The following LHPP variants were observed in gnomAD, a reference collection of about 807,000 sequenced individuals.
The protein encoded by LHPP is hLHPP.
In LHPP, 24 loss-of-function variants were observed where a neutral mutation model predicts 30.3. The ratio of observed to expected loss-of-function variants is 0.79; its 90% CI spans 0.57 to 1.11. LHPP has a LOEUF of 1.11. Among genes scored for constraint, LHPP ranks in the 50% most tolerant of loss-of-function variants. The probability of loss-of-function intolerance (pLI) is 0.00; values close to 1 mark genes in which losing one functional copy is unlikely to be tolerated. For synonymous variants in LHPP, 150 were observed against 157.1 expected (o/e 0.95, Z 0.34); for missense variants, 356 against 367.2 (o/e 0.97, Z 0.25).
Position 124,545,261 on chromosome 10 carries a change from G to A in LHPP, c.716+27990G>A, listed in dbSNP as rs1003902148. On this transcript the variant is annotated intron_variant, in intron 6 of 6. Coordinates refer to ENST00000368842, the MANE Select transcript of LHPP (RefSeq NM_022126.4). Reference sequence around the variant, plus strand: ...CGCTTCTCTAAGCATTCCTTTCCTCGTCTGGAAAGTGGGGGTGTAGTATTG... The same window carrying A: ...CGCTTCTCTAAGCATTCCTTTCCTCATCTGGAAAGTGGGGGTGTAGTATTG... Among the ~76,000 whole-genome samples, 12 of 152,328 alleles carry A rather than the reference G, an allele frequency of 7.9e-5. 1 individual carries two copies. The highest frequency in any genetic ancestry group is 6.8e-3 in the Middle Eastern group (2 of 294).
chr10:124,584,339 G>C (rs950593070), intron 6 of LHPP, among the ~76,000 whole-genome samples: 1 of 150,280 alleles, frequency 6.7e-6, no homozygotes, highest in Admixed American at 6.6e-5. Flanking sequence ...ATTCCAGCCT[G>C]GGCAACAGAG....
intron 1 of LHPP, among the ~76,000 whole-genome samples, chr10:124,476,713 GAA>G (rs1952959134): frequency 6.6e-6 from 1 of 152,118 alleles, no homozygotes; most frequent in Admixed American, 6.5e-5. Flanking sequence ...TTTTTCTATT[GAA>G]AAAACAACTC....
intron 4 of LHPP, among the ~76,000 whole-genome samples, chr10:124,497,255 A>G (rs1447468356): frequency 2.1e-5 from 1 of 47,260 alleles, no homozygotes; most frequent in South Asian, 1.4e-3. Flanking sequence ...CATCCTCCCC[A>G]TCCTCCCCAT....
In LHPP at chr10:124,549,734, TGTGGGCATGGCCGGG is replaced by T. The variant is rs574645657; in HGVS notation, c.716+32479_716+32493del. Among the ~76,000 whole-genome samples, 212 of 152,320 alleles carry T rather than the reference TGTGGGCATGGCCGGG, an allele frequency of 1.4e-3. 4 individuals carry two copies. Among genetic ancestry groups the T allele is most frequent in the African/African-American group, 4.7e-3 (196 of 41,582 alleles). On this transcript the variant is annotated intron_variant, in intron 6 of 6. Coordinates refer to ENST00000368842, the MANE Select transcript of LHPP (RefSeq NM_022126.4). ...GCCAGGCTGGGCCTGCCTCTGGCCC[TGTGGGCATGGCCGGG>T]GTGGGCATGGCCGGGAAAGGCATGG...
In LHPP at chr10:124,596,720, C is replaced by G. The variant is rs942229735; in HGVS notation, c.717-16544C>G. On this transcript the variant is annotated intron_variant, in intron 6 of 6. Transcript: ENST00000368842. The surrounding 1 kb of genome is among the most constrained non-coding windows in gnomAD (Gnocchi z 4.6). ...TGGGTGGACGGGTGGGGAGGCCCGA[C>G]TTTAAGGGACCTGCTTCCTAAGCAA... Among the ~76,000 whole-genome samples the G allele has an allele frequency of 6.6e-6, 1 of 152,210 alleles. No individual in the cohort carries two copies. Among genetic ancestry groups the G allele is most frequent in the Admixed American group, 6.5e-5 (1 of 15,276 alleles).
intron 2 of LHPP, among the ~76,000 whole-genome samples, chr10:124,485,794 T>C (rs1364139797): frequency 6.6e-6 from 1 of 152,124 alleles, no homozygotes; most frequent in African/African-American, 2.4e-5. Context: ...AGAGATGGGG[T>C]TTCACCATGT....
Position 124,576,627 on chromosome 10 carries a change from T to C in LHPP, c.717-36637T>C, listed in dbSNP as rs1356474188. 6.6e-6 allele frequency among the ~76,000 whole-genome samples: 1 copy of C among 151,242 alleles called. No individual in the cohort carries two copies. The highest frequency in any genetic ancestry group is 1.5e-5 in the Non-Finnish European group (1 of 67,836). On this transcript the variant is annotated intron_variant, in intron 6 of 6. Transcript: ENST00000368842. This position sits in a 1 kb window ranked among gnomAD's most constrained non-coding sequence, Gnocchi z 4.2. ...CTCCATGGTCTGCCCCCAGGCCTGC[T>C]GGTAATATGGGATACAGAGGTCTCC...
intron 6 of LHPP, among the ~76,000 whole-genome samples, chr10:124,522,727 C>G (rs530182390): frequency 1.1e-4 from 16 of 149,094 alleles, no homozygotes; most frequent in African/African-American, 4.1e-4. Context: ...GCCCACGCCC[C>G]CCCCCAAGCA....
rs1948909223 is a variant in LHPP, at chr10:124,593,721, G to C, written c.717-19543G>C. ...TGGCTGAGGAGAGGGGTTGGGGCGA[G>C]GACCAGCTCTGGGCAGTCTCCAGGT... On this transcript the variant is annotated intron_variant, in intron 6 of 6. Transcript: ENST00000368842. This position sits in a 1 kb window ranked among gnomAD's most constrained non-coding sequence, Gnocchi z 4.9. Among the ~76,000 whole-genome samples, 1 of 152,264 alleles carries C rather than the reference G, an allele frequency of 6.6e-6. No individual in the cohort carries two copies. Among genetic ancestry groups the C allele is most frequent in the African/African-American group, 2.4e-5 (1 of 41,468 alleles).
At chr10:124,466,943 C>T (rs548789085) in intron 1 of LHPP, among the ~76,000 whole-genome samples, 25 of 109,156 alleles carry the variant, frequency 2.3e-4, no homozygotes, top group Admixed American at 7.8e-4. Flanking sequence ...GGCAACACAG[C>T]GAGACCCCCA....
intron 6 of LHPP, among the ~76,000 whole-genome samples, chr10:124,597,533 C>T (rs1310712890): frequency 2.0e-5 from 3 of 152,220 alleles, no homozygotes; most frequent in Non-Finnish European, 2.9e-5. Flanking sequence ...AGTGGGGCTG[C>T]GTGACTCCAG....
At chr10:124,475,497 T>C (rs1184549750) in intron 1 of LHPP, among the ~76,000 whole-genome samples, 2 of 151,886 alleles carry the variant, frequency 1.3e-5, no homozygotes, top group African/African-American at 4.8e-5. Context: ...GCCAAGATCA[T>C]GCCACTGCAC....
At chr10:124,481,332 C>G (rs1372876397) in intron 1 of LHPP, among the ~76,000 whole-genome samples, 1 of 150,938 alleles carries the variant, frequency 6.6e-6, no homozygotes, top group African/African-American at 2.4e-5. Flanking sequence ...ATTTGGGGCC[C>G]TCTCTCACTG....
At chr10:124,545,560 A>G (rs964595273) in intron 6 of LHPP, among the ~76,000 whole-genome samples, 1 of 151,816 alleles carries the variant, frequency 6.6e-6, no homozygotes, top group African/African-American at 2.4e-5. Flanking sequence ...CGCCTTATTG[A>G]GCTGTCAGCG....
intron 6 of LHPP, among the ~76,000 whole-genome samples, chr10:124,563,574 G>T (rs1414938974): frequency 1.3e-5 from 2 of 152,048 alleles, no homozygotes; most frequent in African/African-American, 4.8e-5. Context: ...GTGATGGAAA[G>T]CTTCTTTATT....
intron 5 of LHPP, chr10:124,498,662 T>A: frequency 1.4e-4 from 14 of 103,344 alleles, no homozygotes; most frequent in East Asian, 6.7e-4. Context: ...TTCTTTTTCT[T>A]TTTTTTTTTT....
At chr10:124,465,895 C>T (rs1335553265) in intron 1 of LHPP, among the ~76,000 whole-genome samples, 1 of 152,204 alleles carries the variant, frequency 6.6e-6, no homozygotes. Context: ...TATCAAGCTG[C>T]CCTGTTTCAT....
chr10:124,466,242 A>G (rs563474222), intron 1 of LHPP, among the ~76,000 whole-genome samples: 1 of 152,352 alleles, frequency 6.6e-6, no homozygotes, highest in African/African-American at 2.4e-5. Flanking sequence ...GGAGACAGCA[A>G]GCACACAGCA....
chr10:124,569,181 C>T (rs1334658443), intron 6 of LHPP, among the ~76,000 whole-genome samples: 1 of 152,186 alleles, frequency 6.6e-6, no homozygotes, highest in African/African-American at 2.4e-5. Context: ...TTCTTCTGCC[C>T]AGAGGGAGCT....
Sources: allele counts gnomAD v4.1 joint callset (sites outside exome capture counted in the v4.1 genomes callset), GRCh38; gene constraint gnomAD v4.1.1; non-coding constraint Gnocchi (gnomAD v3.1); transcripts MANE v1.5; gene names NCBI Gene and HGNC (gene_info 2026-07-23, HGNC 2026-07-21).